ODAD2: variants seen among roughly 807,000 people sequenced by gnomAD.
ODAD2 encodes the protein outer dynein arm-docking complex subunit 2.
A neutral mutation model predicts 106.8 loss-of-function variants in ODAD2; 89 were observed. The ratio of observed to expected loss-of-function variants is 0.83; its 90% CI spans 0.70 to 0.99. The LOEUF is 0.99. Among genes scored for constraint, ODAD2 ranks in the 50% least tolerant of loss-of-function variants. The pLI, the probability that ODAD2 is intolerant of heterozygous loss-of-function variation, is 0.00. For missense variants in ODAD2, 1,168 were observed against 1,238.5 expected (o/e 0.94, Z 0.85); for synonymous variants, 404 against 436.2 (o/e 0.93, Z 0.92).
At chr10:27,837,954 T>C (rs560977878) in intron 19 of ODAD2, among the ~76,000 whole-genome samples, 47 of 152,266 alleles carry the variant, frequency 3.1e-4, no homozygotes, top group South Asian at 1.7e-3. Flanking sequence ...TTTCAGTAAG[T>C]GACATCTTAC....
At chr10:27,873,152 T>C (rs542719892) in intron 17 of ODAD2, among the ~76,000 whole-genome samples, 32 of 149,892 alleles carry the variant, frequency 2.1e-4, no homozygotes, top group African/African-American at 7.1e-4. Context: ...TGGAGGTGTT[T>C]ATAGTATTCT....
intron 19 of ODAD2, among the ~76,000 whole-genome samples, chr10:27,827,822 T>C (rs1388796428): frequency 2.0e-5 from 3 of 152,208 alleles, no homozygotes; most frequent in Non-Finnish European, 4.4e-5. Flanking sequence ...CAAATTTTAA[T>C]TCCCCAGAAA....
Position 27,967,392 on chromosome 10 carries a change from G to A in ODAD2, c.1238+1531C>T, listed in dbSNP as rs542295855. Among the ~76,000 whole-genome samples, 8 of 152,308 alleles carry A rather than the reference G, an allele frequency of 5.3e-5. No homozygotes were observed. The East Asian group carries it at 1.2e-3, about 22-fold the overall frequency. ...TGACAAAGTAACGAAGGACTCCCCC[G>A]TCACACTGTCCGGCTGGTATCAGCA... is the stretch of plus-strand genomic sequence containing the variant. On this transcript the variant is annotated intron_variant, in intron 9 of 19. Transcript: ENST00000305242.
intron 17 of ODAD2, among the ~76,000 whole-genome samples, chr10:27,879,282 A>G (rs755758660): frequency 1.3e-5 from 2 of 152,158 alleles, no homozygotes; most frequent in Non-Finnish European, 2.9e-5. Flanking sequence ...AGAGTTAATT[A>G]CATGACATTC....
intron 10 of ODAD2, among the ~76,000 whole-genome samples, chr10:27,950,630 G>A (rs1345474377): frequency 2.6e-5 from 4 of 151,896 alleles, no homozygotes; most frequent in African/African-American, 4.8e-5. Context: ...TCTGTCGTGC[G>A]GGCTGGAGTG....
chr10:27,951,696 G>GA lies in ODAD2; in HGVS notation c.1387-6735dup, dbSNP rs374784803. Among the ~76,000 whole-genome samples the GA allele has an allele frequency of 3.4e-3, 516 of 151,576 alleles. 6 individuals are homozygous for GA. The highest frequency in any genetic ancestry group is 0.012 in the African/African-American group (478 of 41,356). On this transcript the variant is annotated intron_variant, in intron 10 of 19. Transcript: ENST00000305242. Reference sequence around the variant, plus strand: ...TTTTTGTCCATTTAGAATGGCTTCAGAAAAAACCTTCCTAGTTCTTAAGAA... The same window carrying GA: ...TTTTTGTCCATTTAGAATGGCTTCAGAAAAAAACCTTCCTAGTTCTTAAGAA...
At chr10:27,817,387 A>G (rs78784273) in intron 19 of ODAD2, among the ~76,000 whole-genome samples, 3,346 of 152,202 alleles carry the variant, frequency 0.022, 42 homozygotes, top group Non-Finnish European at 0.034. Flanking sequence ...ACAAGTGCAA[A>G]TTTCTTACAT....
chr10:27,966,322 A>T (rs1848484773), intron 9 of ODAD2, among the ~76,000 whole-genome samples: 1 of 152,214 alleles, frequency 6.6e-6, no homozygotes, highest in Non-Finnish European at 1.5e-5. Flanking sequence ...AGATTGAAGC[A>T]TATAGTAGAA....
intron 10 of ODAD2, among the ~76,000 whole-genome samples, chr10:27,960,581 C>T (rs983414476): frequency 6.6e-6 from 1 of 152,038 alleles, no homozygotes; most frequent in Non-Finnish European, 1.5e-5. Context: ...AACTCCTGAC[C>T]TCAGACGATC....
chr10:27,887,580 G>A (rs550295599), intron 17 of ODAD2, among the ~76,000 whole-genome samples: 36 of 151,988 alleles, frequency 2.4e-4, no homozygotes, highest in African/African-American at 6.5e-4. Context: ...ATATGAAGCC[G>A]CAAAACAAGT....
At chr10:27,912,206 C>T (rs1266451637) in intron 16 of ODAD2, among the ~76,000 whole-genome samples, 1 of 152,126 alleles carries the variant, frequency 6.6e-6, no homozygotes, top group African/African-American at 2.4e-5. Context: ...TAGCATCTTG[C>T]TCTGAATTCA....
intron 19 of ODAD2, among the ~76,000 whole-genome samples, chr10:27,857,383 G>T (rs1490143022): frequency 6.6e-6 from 1 of 152,172 alleles, no homozygotes; most frequent in Admixed American, 6.5e-5. Flanking sequence ...TAGGCTATTA[G>T]TAGTTAAGTT....
intron 17 of ODAD2, among the ~76,000 whole-genome samples, chr10:27,901,111 T>C (rs548951068): frequency 6.6e-6 from 1 of 152,278 alleles, no homozygotes. Flanking sequence ...TAACAGTGGA[T>C]CTCTCTGCAA....
chr10:27,860,220 A>G (rs918473808), intron 19 of ODAD2, among the ~76,000 whole-genome samples: 2 of 152,158 alleles, frequency 1.3e-5, no homozygotes, highest in Non-Finnish European at 2.9e-5. Flanking sequence ...GGGAGGCCGA[A>G]GCAGGAGGAT....
intron 17 of ODAD2, among the ~76,000 whole-genome samples, chr10:27,870,623 C>T (rs181530120): frequency 3.3e-5 from 5 of 152,032 alleles, no homozygotes; most frequent in East Asian, 3.9e-4. Context: ...TTTGTCCTTG[C>T]GATAGTTTGC....
At position 27,820,235 on chromosome 10, in the gene ODAD2, G is replaced by A. The variant is rs544397550; in HGVS notation, c.3022-7610C>T. Among the ~76,000 whole-genome samples, 9 of 152,128 alleles carry A rather than the reference G, an allele frequency of 5.9e-5. 1 individual carries two copies. In the South Asian group the frequency reaches 1.5e-3, roughly 25 times the overall value. Reference sequence around the variant, plus strand: ...GCCACTGGCTGCTGCCACCCTGTACGGCTCTCTTGGAAAGGAAACCCTTGA... The same window carrying A: ...GCCACTGGCTGCTGCCACCCTGTACAGCTCTCTTGGAAAGGAAACCCTTGA... On this transcript the variant is annotated intron_variant, in intron 19 of 19. Transcript: ENST00000305242.
At chr10:27,941,204 C>T (rs1048723379) in intron 12 of ODAD2, among the ~76,000 whole-genome samples, 9 of 152,110 alleles carry the variant, frequency 5.9e-5, no homozygotes, top group Admixed American at 6.6e-5. Context: ...CAAGACCTGT[C>T]CAGGAACACT....
chr10:27,880,530 T>G (rs943650383), intron 17 of ODAD2, among the ~76,000 whole-genome samples: 6 of 152,172 alleles, frequency 3.9e-5, no homozygotes, highest in African/African-American at 1.2e-4. Context: ...TGTTGAAACT[T>G]AATTGCCTAT....
At chr10:27,828,842 A>G (rs1018657932) in intron 19 of ODAD2, among the ~76,000 whole-genome samples, 4 of 152,228 alleles carry the variant, frequency 2.6e-5, no homozygotes, top group Admixed American at 6.5e-5. Flanking sequence ...AAAAAAGCCA[A>G]ACTGAGAATT....
Sources: allele counts gnomAD v4.1 joint callset (sites outside exome capture counted in the v4.1 genomes callset), GRCh38; gene constraint gnomAD v4.1.1; transcripts MANE v1.5; gene names NCBI Gene and HGNC (gene_info 2026-07-23, HGNC 2026-07-21).